The following ASTN1 variants were observed in gnomAD, a reference collection of about 807,000 sequenced individuals.
The protein encoded by ASTN1 is astrotactin 1.
ASTN1 carries 41 observed loss-of-function variants against 140.7 expected under a neutral mutation model. The ratio of observed to expected loss-of-function variants is 0.29; its 90% CI spans 0.23 to 0.38. The LOEUF (loss-of-function observed/expected upper bound fraction) is 0.38, where lower values mean the gene tolerates loss of function less well. ASTN1 is among the 10% of genes least tolerant of loss of function. ASTN1 has a pLI of 1.00. For synonymous variants in ASTN1, 640 were observed against 652.2 expected, an observed-to-expected ratio of 0.98 and a Z score of 0.29; for missense variants, 1,479 against 1,678.8, an observed-to-expected ratio of 0.88 and a Z score of 2.08.
At chr1:177,106,674 T>C (rs1571792151) in intron 1 of ASTN1, among the ~76,000 whole-genome samples, 1 of 152,344 alleles carries the variant, frequency 6.6e-6, no homozygotes, top group African/African-American at 2.4e-5. Flanking sequence ...GGAGGTTTAC[T>C]CTAAGATTAT....
rs74985691 is a variant in ASTN1, at chr1:176,975,255, C to T, written c.1524-10018G>A. ...CTGTCCATGTGTCATTTCACAGCTA[C>T]TTAGAGAACTCTACAGCTGTGTTAT... is the stretch of plus-strand genomic sequence containing the variant. On this transcript the variant is annotated intron_variant, in intron 8 of 22. Transcript: ENST00000361833. Among the ~76,000 whole-genome samples, 29 of 152,338 alleles carry T rather than the reference C, an allele frequency of 1.9e-4. 1 individual carries two copies. In the East Asian group the frequency reaches 5.0e-3, roughly 26 times the overall value.
intron 2 of ASTN1, among the ~76,000 whole-genome samples, chr1:177,033,751 C>A (rs1676572296): frequency 6.6e-6 from 1 of 152,108 alleles, no homozygotes; most frequent in Non-Finnish European, 1.5e-5. Flanking sequence ...GCTCAAAGGC[C>A]AACACCTCGA....
chr1:176,887,280 C>T (rs1260110841), intron 18 of ASTN1, among the ~76,000 whole-genome samples: 2 of 152,202 alleles, frequency 1.3e-5, no homozygotes, highest in East Asian at 1.9e-4. Context: ...CTCAACTACC[C>T]CATGACAGCT....
chr1:176,894,503 T>G, intron 17 of ASTN1, 59 bp downstream of exon 17: 1 of 1,575,052 alleles, frequency 6.3e-7, no homozygotes, highest in African/African-American at 1.4e-5. Context: ...CTCACACCAT[T>G]TGGAAAGCCT....
chr1:176,964,576 G>A lies in ASTN1; in HGVS notation c.1598+587C>T, dbSNP rs529323710. On this transcript the variant is annotated intron_variant, in intron 9 of 22. Transcript: ENST00000361833. Reference sequence around the variant, plus strand: ...TCTGCTGTGGGCCTTTCTAATACGTGCTATTCCCAGGTATGTAGGTAGAAA... The same window carrying A: ...TCTGCTGTGGGCCTTTCTAATACGTACTATTCCCAGGTATGTAGGTAGAAA... Among the ~76,000 whole-genome samples the A allele has an allele frequency of 3.3e-5, 5 of 152,280 alleles. No homozygotes were observed. The East Asian group carries it at 9.6e-4, about 29-fold the overall frequency.
chr1:177,148,920 T>G (rs1682844152), intron 1 of ASTN1, among the ~76,000 whole-genome samples: 1 of 150,812 alleles, frequency 6.6e-6, no homozygotes, highest in Admixed American at 6.7e-5. Context: ...AGAAGTTTCT[T>G]TAACTTTTTA....
chr1:176,964,393 A>G (rs1044694441), intron 9 of ASTN1, among the ~76,000 whole-genome samples: 14 of 152,244 alleles, frequency 9.2e-5, no homozygotes, highest in African/African-American at 3.4e-4. Flanking sequence ...CCAAGCACTT[A>G]GAAGGAACTC....
chr1:176,901,090 G>A (rs1669746341), intron 16 of ASTN1, among the ~76,000 whole-genome samples: 1 of 152,086 alleles, frequency 6.6e-6, no homozygotes, highest in Non-Finnish European at 1.5e-5. Context: ...ATTCGTCTGG[G>A]GCATTGCTGT....
In ASTN1 at chr1:177,156,533, G is replaced by A. The variant is rs140180320; in HGVS notation, c.283+7861C>T. 2.8e-3 allele frequency among the ~76,000 whole-genome samples: 420 copies of A among 152,118 alleles called. 3 individuals carry two copies. The highest frequency in any genetic ancestry group is 9.6e-3 in the African/African-American group (397 of 41,486). On this transcript the variant is annotated intron_variant, in intron 1 of 22. Transcript: ENST00000361833. The stretch of plus-strand genomic sequence containing the variant: ...CAATAAAGTAGTACTGAATTAAAAC[G>A]CAAAGTATAAAATAAATATTCATGA...
chr1:177,069,440 G>C (rs950251062), intron 1 of ASTN1, among the ~76,000 whole-genome samples: 1 of 152,160 alleles, frequency 6.6e-6, no homozygotes, highest in African/African-American at 2.4e-5. Context: ...AGTGATGAGA[G>C]AAAGGAAATA....
chr1:177,089,957 A>G (rs537768861), intron 1 of ASTN1, among the ~76,000 whole-genome samples: 1 of 152,174 alleles, frequency 6.6e-6, no homozygotes, highest in African/African-American at 2.4e-5. Context: ...TCAGTTGTCA[A>G]TATGTTAATC....
intron 2 of ASTN1, among the ~76,000 whole-genome samples, chr1:177,047,950 G>A (rs1435585306): frequency 5.3e-5 from 8 of 152,138 alleles, no homozygotes; most frequent in Admixed American, 2.0e-4. Flanking sequence ...GACCTGGAAC[G>A]ATCAGCTAGG....
intron 19 of ASTN1, among the ~76,000 whole-genome samples, chr1:176,883,267 C>G (rs1424644124): frequency 1.4e-5 from 2 of 145,220 alleles, no homozygotes; most frequent in African/African-American, 5.2e-5. Context: ...GAGTCTAGCT[C>G]TGTCACCCAG....
intron 1 of ASTN1, among the ~76,000 whole-genome samples, chr1:177,140,692 C>T (rs1682425750): frequency 6.6e-6 from 1 of 152,224 alleles, no homozygotes; most frequent in East Asian, 1.9e-4. Context: ...GATTATTCTC[C>T]CCATTGGACA....
intron 2 of ASTN1, among the ~76,000 whole-genome samples, chr1:177,045,771 C>A (rs1018440863): frequency 6.6e-6 from 1 of 152,050 alleles, no homozygotes; most frequent in African/African-American, 2.4e-5. Flanking sequence ...CTAACCTGAA[C>A]GTTAATCTAA....
At chr1:177,051,487 G>A (rs984352590) in intron 2 of ASTN1, among the ~76,000 whole-genome samples, 28 of 152,210 alleles carry the variant, frequency 1.8e-4, no homozygotes, top group African/African-American at 6.8e-4. Context: ...GGCCTATAAA[G>A]CTAAAAATGT....
intron 1 of ASTN1, among the ~76,000 whole-genome samples, chr1:177,148,074 T>G (rs140062621): frequency 3.9e-5 from 6 of 152,306 alleles, no homozygotes; most frequent in Non-Finnish European, 7.3e-5. Context: ...CCTGAGCCTA[T>G]GCATCTTCTT....
chr1:177,006,179 G>A (rs952994281), intron 8 of ASTN1, among the ~76,000 whole-genome samples: 1 of 152,082 alleles, frequency 6.6e-6, no homozygotes, highest in Non-Finnish European at 1.5e-5. Flanking sequence ...CAAGGAAAAA[G>A]TTTTGAGAAA....
At chr1:177,028,016 CACTT>C (rs1049938331) in intron 5 of ASTN1, among the ~76,000 whole-genome samples, 52 of 152,200 alleles carry the variant, frequency 3.4e-4, no homozygotes, top group African/African-American at 8.9e-4. Context: ...ATTCAACAAA[CACTT>C]ACAAGCATCT....
Sources: allele counts gnomAD v4.1 joint callset (sites outside exome capture counted in the v4.1 genomes callset), GRCh38; gene constraint gnomAD v4.1.1; transcripts MANE v1.5; gene names NCBI Gene and HGNC (gene_info 2026-07-23, HGNC 2026-07-21).